Variants in PLAC8 observed in about 807,000 individuals in gnomAD.
The protein encoded by PLAC8 is placenta-specific gene 8 protein.
Under a neutral mutation model 12.6 loss-of-function variants are expected in PLAC8, and 6 were observed. The ratio of observed to expected loss-of-function variants is 0.48; its 90% CI spans 0.26 to 0.94. The LOEUF (loss-of-function observed/expected upper bound fraction) is 0.94, where lower values mean the gene tolerates loss of function less well. Ranked by LOEUF, PLAC8 falls within the 40% of genes least tolerant of loss-of-function variation. The pLI is 0.14. For missense variants in PLAC8, 122 were observed against 152.7 expected, an observed-to-expected ratio of 0.80 and a Z score of 1.06; for synonymous variants, 54 against 52.6, an observed-to-expected ratio of 1.03 and a Z score of -0.11.
At chr4:83,100,036 C>T (rs945973764) in intron 3 of PLAC8, among the ~76,000 whole-genome samples, 3 of 147,958 alleles carry the variant, frequency 2.0e-5, no homozygotes, top group African/African-American at 7.5e-5. Flanking sequence ...GCCGGGCGCG[C>T]GAGGCGGGCA....
At chr4:83,098,975 T>A (rs1732017954) in intron 3 of PLAC8, among the ~76,000 whole-genome samples, 1 of 152,116 alleles carries the variant, frequency 6.6e-6, no homozygotes, top group Non-Finnish European at 1.5e-5. Context: ...ATCAAATGAC[T>A]TTCTTTGGTC....
intron 1 of PLAC8, among the ~76,000 whole-genome samples, chr4:83,112,105 T>G (rs1228554382): frequency 6.7e-6 from 1 of 149,720 alleles, no homozygotes; most frequent in Non-Finnish European, 1.5e-5. Flanking sequence ...ACCCAGGAGG[T>G]GGAGGTTGTG....
At chr4:83,105,776 G>C in intron 2 of PLAC8, among the ~76,000 whole-genome samples, 1 of 152,072 alleles carries the variant, frequency 6.6e-6, no homozygotes, top group East Asian at 1.9e-4. Flanking sequence ...CATTTAATTG[G>C]GTAATAATAA....
chr4:83,100,280 C>CAA (rs35928607), intron 3 of PLAC8, among the ~76,000 whole-genome samples: 2,269 of 121,332 alleles, frequency 0.019, 28 homozygotes, highest in Non-Finnish European at 0.023. Flanking sequence ...GACTCCATCT[C>CAA]AAAAAAAAAA....
At chr4:83,109,707 G>A (rs1012215215) in intron 1 of PLAC8, 1 of 151,858 alleles carries the variant, frequency 6.6e-6, no homozygotes, top group African/African-American at 2.4e-5. Flanking sequence ...GAGGCGGGGA[G>A]TGGGTGGGTG....
chr4:83,113,283 T>A (rs1324980556), intron 1 of PLAC8, among the ~76,000 whole-genome samples: 1 of 152,144 alleles, frequency 6.6e-6, no homozygotes, highest in Non-Finnish European at 1.5e-5. Context: ...CCTTCCTCCA[T>A]GCGATGAAGC....
intron 3 of PLAC8, among the ~76,000 whole-genome samples, chr4:83,097,984 G>A (rs569487205): frequency 1.3e-5 from 2 of 149,668 alleles, no homozygotes; most frequent in Middle Eastern, 3.5e-3. Flanking sequence ...ATAGCCTCCC[G>A]AGTAGCCAGG....
At chr4:83,107,210 C>CAAAAAAAAAAAA (rs1194021802) in intron 2 of PLAC8, among the ~76,000 whole-genome samples, 1 of 108,364 alleles carries the variant, frequency 9.2e-6, no homozygotes, top group Non-Finnish European at 2.0e-5. Context: ...CAAAAACAAA[C>CAAAAAAAAAAAA]AAAAAAAAAA....
chr4:83,106,499 C>T (rs1462695926), intron 2 of PLAC8, among the ~76,000 whole-genome samples: 2 of 151,784 alleles, frequency 1.3e-5, no homozygotes, highest in Non-Finnish European at 2.9e-5. Context: ...GTGCCTGTAA[C>T]CCCAGCTACT....
At chr4:83,094,071 C>T (rs1449501087) in intron 4 of PLAC8, 1 of 152,180 alleles carries the variant, frequency 6.6e-6, no homozygotes, top group African/African-American at 2.4e-5. Context: ...TTGATTTCTA[C>T]TTAACTACAT....
At chr4:83,113,578 G>T (rs1340889458) in intron 1 of PLAC8, among the ~76,000 whole-genome samples, 2 of 152,154 alleles carry the variant, frequency 1.3e-5, no homozygotes, top group Non-Finnish European at 2.9e-5. Flanking sequence ...CCTATCTGTG[G>T]CCAGCAGTTC....
chr4:83,099,636 A>T, intron 3 of PLAC8, among the ~76,000 whole-genome samples: 1 of 152,038 alleles, frequency 6.6e-6, no homozygotes, highest in East Asian at 1.9e-4. Context: ...GGATCATAGC[A>T]GCAGATTTTC....
chr4:83,112,885 G>A (rs931174373), intron 1 of PLAC8, among the ~76,000 whole-genome samples: 1 of 152,222 alleles, frequency 6.6e-6, no homozygotes, highest in Non-Finnish European at 1.5e-5. Flanking sequence ...GCAATAAGTG[G>A]AGAGAAAACG....
intron 4 of PLAC8, chr4:83,093,422 TCTC>T (rs1265037883): frequency 2.6e-5 from 4 of 152,340 alleles, no homozygotes; most frequent in African/African-American, 9.7e-5. Flanking sequence ...TGCTCCCTCT[TCTC>T]CTCCCTGGGG....
At chr4:83,108,260 C>G (rs989877939) in intron 1 of PLAC8, among the ~76,000 whole-genome samples, 2 of 151,326 alleles carry the variant, frequency 1.3e-5, no homozygotes, top group Admixed American at 1.3e-4. Flanking sequence ...CTATCTCCAC[C>G]CTTCACAAGA....
intron 3 of PLAC8, among the ~76,000 whole-genome samples, chr4:83,101,530 G>C (rs148527204): frequency 6.6e-6 from 1 of 152,226 alleles, no homozygotes; most frequent in Non-Finnish European, 1.5e-5. Flanking sequence ...GAGAAGGTGT[G>C]GCAAGTTATC....
Position 83,107,223 on chromosome 4 carries a change from C to A in PLAC8, c.118+581G>T, listed in dbSNP as rs199564936. Among the ~76,000 whole-genome samples, 723 of 139,768 alleles carry A rather than the reference C, an allele frequency of 5.2e-3. 6 individuals carry two copies. The highest frequency in any genetic ancestry group is 0.018 in the African/African-American group (630 of 35,604). The allele number at this position is 139,768 out of a possible 152,430, so 91.7% of individuals were successfully genotyped here. On this transcript the variant is annotated intron_variant, in intron 2 of 4. Transcript: ENST00000311507. Reference sequence around the variant, plus strand: ...CTCAAAAACAAACAAAAAAAAAAAACAAAAAAAAAAACAAAGCAGTCAGAG... The same window carrying A: ...CTCAAAAACAAACAAAAAAAAAAAAAAAAAAAAAAAACAAAGCAGTCAGAG...
At chr4:83,101,525 G>C (rs2126141687) in intron 3 of PLAC8, among the ~76,000 whole-genome samples, 2 of 152,368 alleles carry the variant, frequency 1.3e-5, no homozygotes, top group South Asian at 4.1e-4. Flanking sequence ...TGATGGAGAA[G>C]GTGTGGCAAG....
chr4:83,102,092 T>C (rs1732113903), intron 3 of PLAC8, among the ~76,000 whole-genome samples: 1 of 152,212 alleles, frequency 6.6e-6, no homozygotes, highest in Non-Finnish European at 1.5e-5. Flanking sequence ...AAGGAGTAAT[T>C]TTGATTTTCA....
Sources: gnomAD v4.1 joint callset for allele counts (sites outside exome capture counted in the v4.1 genomes callset) on GRCh38, gnomAD v4.1.1 for gene constraint, MANE v1.5 for transcripts, NCBI Gene and HGNC (gene_info 2026-07-23, HGNC 2026-07-21) for gene names.